FLRT2: variants seen among roughly 807,000 people sequenced by gnomAD.
FLRT2 encodes the protein fibronectin leucine rich transmembrane protein 2, also known as leucine-rich repeat transmembrane protein FLRT2.
Under a neutral mutation model 40.0 loss-of-function variants are expected in FLRT2, and 15 were observed. That is an observed-to-expected ratio of 0.38 (90% CI 0.25 to 0.58). The LOEUF (loss-of-function observed/expected upper bound fraction) is 0.58, where lower values mean the gene tolerates loss of function less well. Among genes scored for constraint, FLRT2 ranks in the 20% least tolerant of loss-of-function variants. The pLI is 0.71. For synonymous variants in FLRT2, 380 were observed against 336.8 expected, an observed-to-expected ratio of 1.13 and a Z score of -1.41; for missense variants, 726 against 840.0, an observed-to-expected ratio of 0.86 and a Z score of 1.68.
At chr14:85,572,008 A>G (rs1045778571) in intron 1 of FLRT2, among the ~76,000 whole-genome samples, 1 of 152,316 alleles carries the variant, frequency 6.6e-6, no homozygotes, top group African/African-American at 2.4e-5. Flanking sequence ...TGACAGCTGC[A>G]TAGGGGTGAG....
rs78778736 is a variant in FLRT2 at position 85,622,817 on chromosome 14, A to T, written c.1303A>T (p.Thr435Ser). 1.3e-3 allele frequency: 2,175 copies of T among 1,614,178 alleles called. 1 individual carries two copies. The highest frequency in any genetic ancestry group is 1.7e-3 in the Non-Finnish European group (1,985 of 1,180,032). The change falls in exon 2 of 2, where the codon ACT (threonine) becomes TCT (serine). Residue 435 changes from threonine (T) to serine (S), a missense_variant. Transcript: ENST00000330753. ...GCTCTCTATCCATTTTGTGAATGAT[A>T]CTTCCATTCAAGTCAGCTGGCTCTC... Reference protein sequence around the residue: ...IQLSIHFVNDTSIQVSWLSLF... With the variant: ...IQLSIHFVNDSSIQVSWLSLF...
chr14:85,597,718 C>T (rs766276248), intron 1 of FLRT2, among the ~76,000 whole-genome samples: 5 of 152,142 alleles, frequency 3.3e-5, no homozygotes, highest in South Asian at 2.1e-4. Context: ...CACCTTGCCC[C>T]GCTAAGGATG....
chr14:85,574,325 T>A (rs1011029723), intron 1 of FLRT2, among the ~76,000 whole-genome samples: 5 of 151,864 alleles, frequency 3.3e-5, no homozygotes, highest in Admixed American at 6.6e-5. Flanking sequence ...ATAGGTATAT[T>A]TGAATTTCTG....
In FLRT2 at chr14:85,650,423, A is replaced by G. The variant is rs779123754; in HGVS notation, c.*26926A>G. 6.6e-6 allele frequency: 1 copy of G among 151,948 alleles called. No individual in the cohort carries two copies. Among genetic ancestry groups the G allele is most frequent in the East Asian group, 1.9e-4 (1 of 5,186 alleles). The allele number at this position is 151,948 out of a possible 1,614,324, so 9.4% of individuals were successfully genotyped here. ...TTTTAGTATCATAAACTATCCTTCA[A>G]TGAACACTCTTTTAATGTCATCTGG... On this transcript the variant is annotated 3_prime_UTR_variant, in exon 2 of 2. Coordinates refer to ENST00000330753, the MANE Select transcript of FLRT2 (RefSeq NM_013231.6).
chr14:85,638,264 T>A lies in FLRT2; in HGVS notation c.*14767T>A, dbSNP rs941708541. On this transcript the variant is annotated 3_prime_UTR_variant, in exon 2 of 2. Coordinates refer to ENST00000330753, the MANE Select transcript of FLRT2 (RefSeq NM_013231.6). ...AGTGCTCTGGTTCTATTGGCAGAGA[T>A]CCTTGCTGTTAGCCTCTTGCCTTTC... The A allele has an allele frequency of 6.6e-6, 1 of 152,240 alleles. No individual in the cohort carries two copies. Among genetic ancestry groups the A allele is most frequent in the Non-Finnish European group, 1.5e-5 (1 of 68,098 alleles). The allele number at this position is 152,240 out of a possible 1,614,324, so 9.4% of individuals were successfully genotyped here.
rs149582903 is a variant in FLRT2 at position 85,538,957 on chromosome 14, A to C, written c.-377+8423A>C. ...CCACTTTGCTCCCAAAATTGGACTCAAGTACTTAGACAAAGGAAATAATGC... is the reference window on the plus strand; with the variant it reads ...CCACTTTGCTCCCAAAATTGGACTCCAGTACTTAGACAAAGGAAATAATGC... On this transcript the variant is annotated intron_variant, in intron 1 of 1. Coordinates refer to ENST00000330753, the MANE Select transcript of FLRT2 (RefSeq NM_013231.6). 9.1e-3 allele frequency among the ~76,000 whole-genome samples: 1,392 copies of C among 152,248 alleles called. 21 individuals are homozygous for C. The highest frequency in any genetic ancestry group is 0.032 in the African/African-American group (1,318 of 41,546).
rs2139397119 is a variant in FLRT2, at chr14:85,640,172, A to G, written c.*16675A>G. On this transcript the variant is annotated 3_prime_UTR_variant, in exon 2 of 2. Coordinates refer to ENST00000330753, the MANE Select transcript of FLRT2 (RefSeq NM_013231.6). ...CCACTAGCAGAAATTCTTAACAGTT[A>G]TTGTTATCTAACTACTTGACTAGTG... 6.6e-6 allele frequency: 1 copy of G among 152,262 alleles called. No individual in the cohort carries two copies. The highest frequency in any genetic ancestry group is 2.4e-5 in the African/African-American group (1 of 41,548). 9.4% of individuals were successfully genotyped at this position (152,262 alleles called of 1,614,324 possible). A position where few individuals can be genotyped will look rare whatever the true frequency, so the allele number is the denominator to read the frequency against.
rs1894367468 is a variant in FLRT2 at position 85,648,833 on chromosome 14, C to A, written c.*25336C>A. 1 of 151,994 alleles carries A rather than the reference C, an allele frequency of 6.6e-6. No individual in the cohort carries two copies. The highest frequency in any genetic ancestry group is 2.4e-5 in the African/African-American group (1 of 41,376). The allele number at this position is 151,994 out of a possible 1,614,324, so 9.4% of individuals were successfully genotyped here. Reference sequence around the variant, plus strand: ...CCTGCCTCCCATTAAGTTATAAGATCCAGGAATTTAATAATTTATTTTGAT... The same window carrying A: ...CCTGCCTCCCATTAAGTTATAAGATACAGGAATTTAATAATTTATTTTGAT... On this transcript the variant is annotated 3_prime_UTR_variant, in exon 2 of 2. Transcript: ENST00000330753.
intron 1 of FLRT2, among the ~76,000 whole-genome samples, chr14:85,600,214 A>G (rs1026893057): frequency 6.6e-6 from 1 of 152,224 alleles, no homozygotes; most frequent in Non-Finnish European, 1.5e-5. Context: ...TGTTGATGCC[A>G]TTGGTCAAAA....
chr14:85,545,732 G>A (rs1889242947), intron 1 of FLRT2, among the ~76,000 whole-genome samples: 1 of 152,200 alleles, frequency 6.6e-6, no homozygotes, highest in African/African-American at 2.4e-5. Context: ...TCAGTACTAA[G>A]GAAAGCTTGT....
chr14:85,597,824 A>C (rs1343182739), intron 1 of FLRT2, among the ~76,000 whole-genome samples: 1 of 152,224 alleles, frequency 6.6e-6, no homozygotes, highest in African/African-American at 2.4e-5. Context: ...GAAATCTAAA[A>C]ACATGAGTGA....
Position 85,623,558 on chromosome 14 carries a change from T to C in FLRT2, c.*61T>C. 7.6e-7 allele frequency: 1 copy of C among 1,307,790 alleles called. No homozygotes were observed. Among genetic ancestry groups the C allele is most frequent in the Non-Finnish European group, 1.0e-6 (1 of 998,416 alleles). 81.0% of individuals were successfully genotyped at this position (1,307,790 alleles called of 1,614,324 possible). On this transcript the variant is annotated 3_prime_UTR_variant, in exon 2 of 2. Coordinates refer to ENST00000330753, the MANE Select transcript of FLRT2 (RefSeq NM_013231.6). The stretch of plus-strand genomic sequence containing the variant: ...AGACTCTTGAGAACACACTCGTGTG[T>C]GCACATAAAGACACGCAGATTACAT...
intron 1 of FLRT2, among the ~76,000 whole-genome samples, chr14:85,602,172 A>G (rs543726661): frequency 1.5e-3 from 225 of 152,320 alleles, no homozygotes; most frequent in Middle Eastern, 6.8e-3. Context: ...TCTTATACAT[A>G]CGTACACCCT....
In FLRT2 at chr14:85,645,494, A is replaced by G. The variant is rs920752144; in HGVS notation, c.*21997A>G. ...AACTTCCAAGTGAGCAGGTCTTTGA[A>G]TGGTACATCTATTTGTTCACTCTGC... On this transcript the variant is annotated 3_prime_UTR_variant, in exon 2 of 2. Transcript: ENST00000330753. 5 of 152,062 alleles carry G rather than the reference A, an allele frequency of 3.3e-5. No individual in the cohort carries two copies. Among genetic ancestry groups the G allele is most frequent in the Non-Finnish European group, 4.4e-5 (3 of 68,028 alleles). 9.4% of individuals were successfully genotyped at this position (152,062 alleles called of 1,614,324 possible). A position where few individuals can be genotyped will look rare whatever the true frequency, so the allele number is the denominator to read the frequency against.
rs573146951 is a variant in FLRT2, at chr14:85,568,849, T to C, written c.-377+38315T>C. Among the ~76,000 whole-genome samples, 174 of 152,296 alleles carry C rather than the reference T, an allele frequency of 1.1e-3. 1 individual carries two copies. The highest frequency in any genetic ancestry group is 2.1e-3 in the Non-Finnish European group (140 of 68,018). On this transcript the variant is annotated intron_variant, in intron 1 of 1. Coordinates refer to ENST00000330753, the MANE Select transcript of FLRT2 (RefSeq NM_013231.6). ...ATTACGGACTTCAGAAGTTAACATA[T>C]GTGGTATGTAAATCATCTAGCACAG...
At position 85,646,027 on chromosome 14, in the gene FLRT2, C is replaced by T. The variant is rs1894293593; in HGVS notation, c.*22530C>T. 1 of 152,136 alleles carries T rather than the reference C, an allele frequency of 6.6e-6. No individual in the cohort carries two copies. Among genetic ancestry groups the T allele is most frequent in the Admixed American group, 6.5e-5 (1 of 15,274 alleles). 9.4% of individuals were successfully genotyped at this position (152,136 alleles called of 1,614,324 possible). On this transcript the variant is annotated 3_prime_UTR_variant, in exon 2 of 2. Transcript: ENST00000330753. ...GTATATAGATTTGCCTGCCTTGTAA[C>T]CATGCCTTTGCATCTGTTTACTTAC...
chr14:85,599,776 G>C (rs752571337), intron 1 of FLRT2, among the ~76,000 whole-genome samples: 2 of 149,368 alleles, frequency 1.3e-5, no homozygotes, highest in Non-Finnish European at 3.0e-5. Context: ...CAAATTATAC[G>C]TGTATTTTAC....
chr14:85,588,452 G>C lies in FLRT2; in HGVS notation c.-376-32687G>C. Among the ~76,000 whole-genome samples, 3 of 89,688 alleles carry C rather than the reference G, an allele frequency of 3.3e-5. No individual in the cohort carries two copies. In the East Asian group the frequency reaches 1.0e-3, roughly 30 times the overall value. 58.8% of individuals were successfully genotyped at this position (89,688 alleles called of 152,430 possible). A position where few individuals can be genotyped will look rare whatever the true frequency, so the allele number is the denominator to read the frequency against. ...TGACTTGATCCAGTTCCTATCACTAGCTCAGTTTTTTTTTTTTTTTAATTT... is the reference window on the plus strand; with the variant it reads ...TGACTTGATCCAGTTCCTATCACTACCTCAGTTTTTTTTTTTTTTTAATTT... On this transcript the variant is annotated intron_variant, in intron 1 of 1. Coordinates refer to ENST00000330753, the MANE Select transcript of FLRT2 (RefSeq NM_013231.6).
Position 85,643,327 on chromosome 14 carries a change from CTTTCTTTCTTTCTTTCTTTCTTT to C in FLRT2, c.*19831_*19853del, listed in dbSNP as rs1894203697. 5 of 113,466 alleles carry C rather than the reference CTTTCTTTCTTTCTTTCTTTCTTT, an allele frequency of 4.4e-5. No homozygotes were observed. Among genetic ancestry groups the C allele is most frequent in the African/African-American group, 1.5e-4 (4 of 26,548 alleles). The allele number at this position is 113,466 out of a possible 1,614,324, so 7.0% of individuals were successfully genotyped here. A position where few individuals can be genotyped will look rare whatever the true frequency, so the allele number is the denominator to read the frequency against. Reference sequence around the variant, plus strand: ...TCTTTCTTTCTTTCTTTCTTTCTTTCTTTCTTTCTTTCTTTCTTTCTTTCTTTCTTCCTTCCTTCCTTCCTTCC... The same window carrying C: ...TCTTTCTTTCTTTCTTTCTTTCTTTCCTTTCTTCCTTCCTTCCTTCCTTCC... On this transcript the variant is annotated 3_prime_UTR_variant, in exon 2 of 2. Transcript: ENST00000330753.
Sources: allele counts gnomAD v4.1 joint callset (sites outside exome capture counted in the v4.1 genomes callset), GRCh38; gene constraint gnomAD v4.1.1; transcripts MANE v1.5; gene names NCBI Gene and HGNC (gene_info 2026-07-23, HGNC 2026-07-21).